Variants in FOXN3 observed in about 807,000 individuals in gnomAD.
The protein encoded by FOXN3 is forkhead box protein N3.
Under a neutral mutation model 38.4 loss-of-function variants are expected in FOXN3, and 7 were observed. The ratio of observed to expected loss-of-function variants is 0.18; its 90% confidence interval spans 0.10 to 0.34. FOXN3 has a LOEUF of 0.34. Among genes scored for constraint, FOXN3 ranks in the 10% least tolerant of loss-of-function variants. The probability of loss-of-function intolerance (pLI) is 1.00; values close to 1 mark genes in which losing one functional copy is unlikely to be tolerated. For synonymous variants in FOXN3, 230 were observed against 242.2 expected, an observed-to-expected ratio of 0.95 and a Z score of 0.47; for missense variants, 456 against 613.4, an observed-to-expected ratio of 0.74 and a Z score of 2.71.
At chr14:89,511,229 TTTC>T (rs1566681157) in intron 1 of FOXN3, among the ~76,000 whole-genome samples, 695 of 22,170 alleles carry the variant, frequency 0.031, 138 homozygotes, top group Middle Eastern at 0.091. Context: ...CTTTCTTTCT[TTTC>T]TTTCCTTTTC....
chr14:89,475,609 C>T (rs60111880), intron 1 of FOXN3, among the ~76,000 whole-genome samples: 2,537 of 152,238 alleles, frequency 0.017, 68 homozygotes, highest in African/African-American at 0.057. Flanking sequence ...GGGCTATGAT[C>T]GCACCACAGC....
intron 1 of FOXN3, among the ~76,000 whole-genome samples, chr14:89,502,306 G>A (rs767767438): frequency 2.0e-5 from 3 of 152,180 alleles, no homozygotes; most frequent in African/African-American, 7.2e-5. Context: ...GGAGAGACAA[G>A]GTGCAGGATT....
rs35296047 is a variant in FOXN3 at position 89,453,559 on chromosome 14, C to CAAAAA, written c.-14-41074_-14-41070dup. Among the ~76,000 whole-genome samples, 169 of 71,906 alleles carry CAAAAA rather than the reference C, an allele frequency of 2.4e-3. 2 individuals are homozygous for CAAAAA. Among genetic ancestry groups the CAAAAA allele is most frequent in the South Asian group, 3.7e-3 (6 of 1,628 alleles). The allele number at this position is 71,906 out of a possible 152,430, so 47.2% of individuals were successfully genotyped here. ...TGGGCGACACAGCAAGACTCCGTCT[C>CAAAAA]AAAAAAAAAAAAAAAAAAAAGCTGC... On this transcript the variant is annotated intron_variant, in intron 1 of 6. Transcript: ENST00000345097.
intron 1 of FOXN3, among the ~76,000 whole-genome samples, chr14:89,528,972 T>A (rs1344828961): frequency 6.6e-6 from 1 of 152,068 alleles, no homozygotes; most frequent in Non-Finnish European, 1.5e-5. Flanking sequence ...TACACATACA[T>A]CAAGACTACA....
At chr14:89,421,795 C>G (rs185844027), upstream of FOXN3, among the ~76,000 whole-genome samples, 11 of 152,280 alleles carry the variant, frequency 7.2e-5, no homozygotes, top group African/African-American at 2.2e-4. Context: ...TCCCAAAGTG[C>G]TGGGATTACA....
chr14:89,516,651 T>C (rs1894210946), intron 1 of FOXN3, among the ~76,000 whole-genome samples: 1 of 150,680 alleles, frequency 6.6e-6, no homozygotes, highest in Middle Eastern at 3.2e-3. Flanking sequence ...AGCCTCAAGT[T>C]CCTGGACTCA....
intron 2 of FOXN3, among the ~76,000 whole-genome samples, chr14:89,393,787 C>T (rs1318692274): frequency 6.6e-6 from 1 of 152,180 alleles, no homozygotes; most frequent in Middle Eastern, 3.2e-3. Flanking sequence ...AAATGACACA[C>T]TGACAGTTAC....
intron 4 of FOXN3, among the ~76,000 whole-genome samples, chr14:89,192,648 T>C (rs1419528405): frequency 7.1e-6 from 1 of 141,388 alleles, no homozygotes; most frequent in Non-Finnish European, 1.5e-5. Context: ...AAATCTTATA[T>C]AGTTTATATA....
chr14:89,389,960 C>T (rs1890891839), intron 2 of FOXN3, among the ~76,000 whole-genome samples: 1 of 152,054 alleles, frequency 6.6e-6, no homozygotes, highest in African/African-American at 2.4e-5. Flanking sequence ...TGGCTCACAC[C>T]TGCTATCCCA....
chr14:89,528,559 G>A (rs188033446), intron 1 of FOXN3, among the ~76,000 whole-genome samples: 167 of 151,800 alleles, frequency 1.1e-3, no homozygotes, highest in Non-Finnish European at 1.9e-3. Context: ...ACCATGCCTG[G>A]CTAATTTTGT....
chr14:89,255,970 TC>T (rs1439868184), intron 4 of FOXN3, among the ~76,000 whole-genome samples: 1 of 151,958 alleles, frequency 6.6e-6, no homozygotes, highest in Non-Finnish European at 1.5e-5. Flanking sequence ...ACAAGACACC[TC>T]CCCATGAGTG....
At chr14:89,365,111 G>A (rs754402243) in intron 2 of FOXN3, among the ~76,000 whole-genome samples, 11 of 152,102 alleles carry the variant, frequency 7.2e-5, no homozygotes, top group Non-Finnish European at 1.5e-4. Flanking sequence ...CCGAGCTTCC[G>A]CTTTGCAGGA....
chr14:89,213,958 A>G lies in FOXN3; in HGVS notation c.746-33152T>C, dbSNP rs2139834656. Among the ~76,000 whole-genome samples the G allele has an allele frequency of 1.3e-5, 2 of 152,350 alleles. 1 individual carries two copies. The highest frequency in any genetic ancestry group is 4.1e-4 in the South Asian group (2 of 4,828). The stretch of plus-strand genomic sequence containing the variant: ...GTACATTGTTGACAGATGGGTCTTT[A>G]CTCAATGAGTTTTCTCACGGATCTT... On this transcript the variant is annotated intron_variant, in intron 4 of 5. Transcript: ENST00000557258.
intron 4 of FOXN3, among the ~76,000 whole-genome samples, chr14:89,259,308 C>T (rs4904524): frequency 0.27 from 41,182 of 152,050 alleles, 6,597 homozygotes; most frequent in Middle Eastern, 0.39. Flanking sequence ...TTTAGTATTA[C>T]GGACCTCTGT....
chr14:89,381,662 C>G (rs559633869), intron 2 of FOXN3, among the ~76,000 whole-genome samples: 1 of 151,320 alleles, frequency 6.6e-6, no homozygotes, highest in East Asian at 1.9e-4. Flanking sequence ...AGTTTGAGAA[C>G]AGACTGTGCA....
At chr14:89,498,623 G>A (rs1893736354) in intron 1 of FOXN3, among the ~76,000 whole-genome samples, 2 of 152,146 alleles carry the variant, frequency 1.3e-5, no homozygotes, top group Non-Finnish European at 2.9e-5. Flanking sequence ...AATTACCCTG[G>A]ATATTGAGAA....
At chr14:89,299,845 C>T (rs1159632972) in intron 3 of FOXN3, among the ~76,000 whole-genome samples, 2 of 152,196 alleles carry the variant, frequency 1.3e-5, no homozygotes, top group Non-Finnish European at 2.9e-5. Flanking sequence ...TTAGTATGGC[C>T]AGGGTGCTTG....
chr14:89,463,221 A>G (rs1892892394), intron 1 of FOXN3, among the ~76,000 whole-genome samples: 1 of 151,428 alleles, frequency 6.6e-6, no homozygotes, highest in African/African-American at 2.4e-5. Context: ...CCCGGGAGGC[A>G]GAGCCTGCAG....
chr14:89,356,941 T>C (rs1889254034), intron 2 of FOXN3, among the ~76,000 whole-genome samples: 1 of 152,112 alleles, frequency 6.6e-6, no homozygotes, highest in Non-Finnish European at 1.5e-5. Flanking sequence ...GAGAAATAAA[T>C]GGGCTGGAAG....
Sources: gnomAD v4.1 joint callset for allele counts (sites outside exome capture counted in the v4.1 genomes callset) on GRCh38, gnomAD v4.1.1 for gene constraint, MANE v1.5 for transcripts, NCBI Gene and HGNC (gene_info 2026-07-23, HGNC 2026-07-21) for gene names.